The following NTRK2 variants were observed in gnomAD, a reference collection of about 807,000 sequenced individuals.
NTRK2 encodes neurotrophic receptor tyrosine kinase 2, also known as BDNF/NT-3 growth factors receptor.
Under a neutral mutation model 94.5 loss-of-function variants are expected in NTRK2, and 13 were observed. The ratio of observed to expected loss-of-function variants is 0.14; its 90% confidence interval spans 0.09 to 0.22. NTRK2 has a LOEUF of 0.22. NTRK2 is among the 10% of genes least tolerant of loss of function. The probability of loss-of-function intolerance (pLI) is 1.00; values close to 1 mark genes in which losing one functional copy is unlikely to be tolerated. For synonymous variants in NTRK2, 372 were observed against 407.4 expected, an observed-to-expected ratio of 0.91 and a Z score of 1.05; for missense variants, 639 against 1,071.2, an observed-to-expected ratio of 0.60 and a Z score of 5.63.
intron 14 of NTRK2, among the ~76,000 whole-genome samples, chr9:84,905,747 G>T (rs145271425): frequency 6.6e-6 from 1 of 152,138 alleles, no homozygotes; most frequent in Admixed American, 6.5e-5. Context: ...GATTCTGTAC[G>T]CAGACTTAAA....
At chr9:84,693,709 G>GTTACTGCATTTT (rs1294872899) in intron 2 of NTRK2, among the ~76,000 whole-genome samples, 57 of 152,102 alleles carry the variant, frequency 3.7e-4, no homozygotes, top group African/African-American at 1.2e-3. Context: ...AACCCTAGGA[G>GTTACTGCATTTT]GCAGTTACTG....
intron 4 of NTRK2, among the ~76,000 whole-genome samples, chr9:84,707,304 A>G (rs2061165458): frequency 6.6e-6 from 1 of 152,202 alleles, no homozygotes; most frequent in Admixed American, 6.5e-5. Flanking sequence ...TCGTGGAGGT[A>G]TGCGGTTATT....
intron 8 of NTRK2, among the ~76,000 whole-genome samples, chr9:84,725,882 C>T (rs1384388666): frequency 6.6e-6 from 1 of 152,070 alleles, no homozygotes; most frequent in African/African-American, 2.4e-5. Context: ...TCACAACATA[C>T]ATGTGCAGAG....
chr9:84,843,943 G>T (rs567452155), intron 12 of NTRK2, among the ~76,000 whole-genome samples: 22 of 152,250 alleles, frequency 1.4e-4, no homozygotes, highest in African/African-American at 5.3e-4. Flanking sequence ...TAAGGGGGAA[G>T]GATTGGCATT....
At chr9:84,996,218 C>T (rs562812338) in intron 17 of NTRK2, among the ~76,000 whole-genome samples, 1 of 152,308 alleles carries the variant, frequency 6.6e-6, no homozygotes, top group East Asian at 1.9e-4. Context: ...GATGTAACCC[C>T]CTTCCCATTA....
chr9:84,711,422 T>C (rs1235126100), intron 6 of NTRK2, among the ~76,000 whole-genome samples: 1 of 152,256 alleles, frequency 6.6e-6, no homozygotes, highest in Non-Finnish European at 1.5e-5. Flanking sequence ...TCAGAGCTCA[T>C]GTGAGTGCTA....
chr9:84,858,628 C>T (rs1217285538), intron 12 of NTRK2, among the ~76,000 whole-genome samples: 1 of 152,040 alleles, frequency 6.6e-6, no homozygotes, highest in Non-Finnish European at 1.5e-5. Context: ...GGAATAGAGG[C>T]TTCTTTTCTG....
intron 12 of NTRK2, among the ~76,000 whole-genome samples, chr9:84,843,100 GT>G (rs2074274103): frequency 6.6e-6 from 1 of 152,198 alleles, no homozygotes; most frequent in Non-Finnish European, 1.5e-5. Context: ...CTACTGGATG[GT>G]ATTACGGTGA....
At position 84,955,374 on chromosome 9, in the gene NTRK2, G is replaced by A. The variant is rs1406280648; in HGVS notation, c.2029G>A (p.Ala677Thr). The A allele has an allele frequency of 1.2e-6, 2 of 1,614,004 alleles. No individual in the cohort carries two copies. Among genetic ancestry groups the A allele is most frequent in the Non-Finnish European group, 8.5e-7 (1 of 1,179,936 alleles). The change falls in exon 17 of 19, where the codon GCC becomes ACC. Residue 677 changes from alanine (A) to threonine (T), a missense_variant. Physicochemically the swap from Ala to Thr is moderately conservative, Grantham distance 58. Coordinates refer to ENST00000277120, the MANE Select transcript of NTRK2 (RefSeq NM_006180.6). ...SQMLHIAQQI[A>T]AGMVYLASQH... Reference sequence around the variant, plus strand: ...GATGCTGCATATAGCCCAGCAGATCGCCGCGGGCATGGTCTACCTGGCGTC... The same window carrying A: ...GATGCTGCATATAGCCCAGCAGATCACCGCGGGCATGGTCTACCTGGCGTC...
intron 9 of NTRK2, among the ~76,000 whole-genome samples, chr9:84,730,783 C>CAAA: frequency 2.5e-4 from 6 of 24,140 alleles, no homozygotes; most frequent in African/African-American, 3.5e-4. Context: ...AAACAAATAG[C>CAAA]AAAAAAAAAA....
chr9:84,918,219 G>A (rs1023110500), intron 14 of NTRK2, among the ~76,000 whole-genome samples: 8 of 152,204 alleles, frequency 5.3e-5, no homozygotes, highest in African/African-American at 1.9e-4. Flanking sequence ...CAGGAACCAA[G>A]ACTCCAACAG....
chr9:84,781,905 T>C (rs1470271657), intron 12 of NTRK2, among the ~76,000 whole-genome samples: 1 of 152,156 alleles, frequency 6.6e-6, no homozygotes, highest in Non-Finnish European at 1.5e-5. Context: ...GCTAGTAAAG[T>C]CATTTATATC....
intron 11 of NTRK2, among the ~76,000 whole-genome samples, chr9:84,749,974 G>C (rs1588350808): frequency 1.3e-5 from 2 of 152,324 alleles, no homozygotes; most frequent in Non-Finnish European, 2.9e-5. Flanking sequence ...TAGGAGCTCT[G>C]TTCAGCCTTG....
chr9:84,720,384 A>G (rs946527265), intron 6 of NTRK2, among the ~76,000 whole-genome samples: 6 of 152,246 alleles, frequency 3.9e-5, no homozygotes, highest in African/African-American at 1.2e-4. Context: ...TGATGGATTT[A>G]CATACTGAAT....
In NTRK2 at chr9:84,742,003, G is replaced by C. The variant is rs187692869; in HGVS notation, c.1195+76G>C. 54 of 1,281,238 alleles carry C rather than the reference G, an allele frequency of 4.2e-5. No individual in the cohort carries two copies. The East Asian group carries it at 1.2e-3, about 28-fold the overall frequency. 79.4% of individuals were successfully genotyped at this position (1,281,238 alleles called of 1,614,324 possible). A position where few individuals can be genotyped will look rare whatever the true frequency, so the allele number is the denominator to read the frequency against. ...TCATGAAGTAAATCAACTGAAAGAAGACTCTTCTAAGCTCAGTTAAATTTA... is the reference window on the plus strand; with the variant it reads ...TCATGAAGTAAATCAACTGAAAGAACACTCTTCTAAGCTCAGTTAAATTTA... On this transcript the variant is annotated intron_variant, in intron 10 of 18. Transcript: ENST00000277120.
intron 14 of NTRK2, among the ~76,000 whole-genome samples, chr9:84,911,033 G>A (rs1271783166): frequency 6.6e-6 from 1 of 152,128 alleles, no homozygotes; most frequent in Non-Finnish European, 1.5e-5. Context: ...CATGAACATA[G>A]TATGTTTCTT....
intron 12 of NTRK2, among the ~76,000 whole-genome samples, chr9:84,780,149 A>T (rs1039706109): frequency 2.0e-5 from 3 of 152,126 alleles, no homozygotes; most frequent in African/African-American, 7.2e-5. Context: ...AAGGGAAGAA[A>T]AAAAACCTGA....
intron 11 of NTRK2, 149 bp from the exon 12 acceptor site, chr9:84,751,837 G>A: frequency 1.4e-6 from 1 of 690,640 alleles, no homozygotes; most frequent in Non-Finnish European, 2.7e-6. Flanking sequence ...TAAGTGAGTT[G>A]GTGTACATAA....
rs548016905 is a variant in NTRK2, at chr9:84,772,714, A to G, written c.1396+20629A>G. On this transcript the variant is annotated intron_variant, in intron 12 of 18. Transcript: ENST00000277120. ...GTCTACAGAAATCAGGGAATTCTTC[A>G]CAGCAGAGTCCACCCTCCAGTGGGG... Among the ~76,000 whole-genome samples, 4 of 152,322 alleles carry G rather than the reference A, an allele frequency of 2.6e-5. No individual in the cohort carries two copies. In the East Asian group the frequency reaches 7.7e-4, roughly 29 times the overall value.
Sources: allele counts gnomAD v4.1 joint callset (sites outside exome capture counted in the v4.1 genomes callset), GRCh38; gene constraint gnomAD v4.1.1; transcripts MANE v1.5; gene names NCBI Gene and HGNC (gene_info 2026-07-23, HGNC 2026-07-21).